Variants in CAMKK2 observed in about 807,000 individuals in gnomAD.
The protein encoded by CAMKK2 is calcium/calmodulin dependent protein kinase kinase 2.
A neutral mutation model predicts 67.2 loss-of-function variants in CAMKK2; 30 were observed. The observed-to-expected ratio is 0.45, with a 90% CI of 0.33 to 0.61. The LOEUF is 0.61. Among genes scored for constraint, CAMKK2 ranks in the 20% least tolerant of loss-of-function variants. The pLI is 0.02. For missense variants in CAMKK2, 643 were observed against 802.0 expected (o/e 0.80, Z 2.39); for synonymous variants, 322 against 326.2 (o/e 0.99, Z 0.14).
At chr12:121,269,637 G>T in intron 3 of CAMKK2, 56 bp from the exon 4 acceptor site, 1 of 1,390,562 alleles carries the variant, frequency 7.2e-7, no homozygotes, top group South Asian at 1.2e-5. Context: ...TCTGCAAAAT[G>T]AGAACCCTAA....
intron 5 of CAMKK2, 133 bp from the exon 6 acceptor site, chr12:121,264,072 G>A: frequency 4.8e-6 from 4 of 825,544 alleles, no homozygotes; most frequent in Middle Eastern, 3.8e-4. Context: ...GCTGCCACCA[G>A]GGGCTTTAAC....
chr12:121,250,089 G>C lies in CAMKK2; in HGVS notation c.1162-55C>G, dbSNP rs912299827. On this transcript the variant is annotated intron_variant, in intron 11 of 16. Transcript: ENST00000404169. ...TCAATGGCGGCCACATCTGCCCTTC[G>C]AGGGCCACCTGTGCTGTGCCACTCC... The C allele has an allele frequency of 2.9e-6, 4 of 1,367,380 alleles. No homozygotes were observed. The Admixed American group carries it at 5.7e-5, about 19-fold the overall frequency. 84.7% of individuals were successfully genotyped at this position (1,367,380 alleles called of 1,614,324 possible).
intron 5 of CAMKK2, among the ~76,000 whole-genome samples, chr12:121,266,012 G>A (rs752721494): frequency 6.6e-6 from 1 of 151,998 alleles, no homozygotes; most frequent in African/African-American, 2.4e-5. Context: ...AATCACTGCA[G>A]CCTTGAACTC....
chr12:121,248,839 C>A, intron 13 of CAMKK2, 105 bp from the exon 14 acceptor site: 1 of 1,390,444 alleles, frequency 7.2e-7, no homozygotes, highest in South Asian at 1.2e-5. Context: ...AGGCAAGGGC[C>A]TGTGGTCAGG....
At chr12:121,244,977 G>A (rs750435892) in intron 15 of CAMKK2, among the ~76,000 whole-genome samples, 163 bp downstream of exon 15, 14 of 152,238 alleles carry the variant, frequency 9.2e-5, no homozygotes, top group Non-Finnish European at 2.1e-4. Context: ...GCTGAGCCCA[G>A]GTTGGGGTGC....
chr12:121,270,880 AG>A lies in CAMKK2; in HGVS notation c.519+17del. The A allele has an allele frequency of 6.2e-7, 1 of 1,606,544 alleles. No individual in the cohort carries two copies. The highest frequency in any genetic ancestry group is 8.5e-7 in the Non-Finnish European group (1 of 1,173,192). ...CCTGGTGAATGCAGAAAGCCAGCCT[AG>A]CCCCAGGGATATTTACCTTTCCAAT... On this transcript the variant is annotated intron_variant, in intron 3 of 16. Coordinates refer to ENST00000404169, the MANE Select transcript of CAMKK2 (RefSeq NM_001270485.2).
intron 1 of CAMKK2, among the ~76,000 whole-genome samples, chr12:121,294,525 T>TAAACA (rs904084907): frequency 1.3e-5 from 2 of 152,134 alleles, no homozygotes; most frequent in African/African-American, 4.8e-5. Flanking sequence ...ATGTAGTGAA[T>TAAACA]AAACAAAACA....
intron 1 of CAMKK2, among the ~76,000 whole-genome samples, chr12:121,294,723 G>A (rs1178239657): frequency 6.6e-6 from 1 of 152,200 alleles, no homozygotes; most frequent in Non-Finnish European, 1.5e-5. Context: ...CAGGATTTCT[G>A]TAAACCTCAG....
At chr12:121,252,209 A>G (rs537814561) in intron 11 of CAMKK2, among the ~76,000 whole-genome samples, 2 of 152,372 alleles carry the variant, frequency 1.3e-5, no homozygotes, top group African/African-American at 2.4e-5. Flanking sequence ...ATACACATGT[A>G]TATTTAGGAA....
intron 13 of CAMKK2, among the ~76,000 whole-genome samples, chr12:121,249,371 A>G (rs11065507): frequency 0.028 from 4,198 of 152,340 alleles, 209 homozygotes; most frequent in African/African-American, 0.096. Context: ...TGCTTTCTGC[A>G]AGAGGGTGGG....
At chr12:121,277,226 T>C (rs912219107) in intron 1 of CAMKK2, among the ~76,000 whole-genome samples, 5 of 151,912 alleles carry the variant, frequency 3.3e-5, no homozygotes, top group African/African-American at 1.2e-4. Context: ...GCACACAGAG[T>C]GTGTGGTAAG....
intron 6 of CAMKK2, chr12:121,260,595 G>GAAA: frequency 1.8e-6 from 1 of 550,088 alleles, no homozygotes; most frequent in African/African-American, 2.0e-5. Flanking sequence ...TGAACACTCA[G>GAAA]GAGGTCGCAA....
Position 121,238,177 on chromosome 12 carries a change from A to T in CAMKK2, c.*2522T>A, listed in dbSNP as rs180774031. The T allele has an allele frequency of 2.0e-5, 3 of 152,400 alleles. No homozygotes were observed. In the East Asian group the frequency reaches 5.8e-4, roughly 29 times the overall value. The allele number at this position is 152,400 out of a possible 1,614,324, so 9.4% of individuals were successfully genotyped here. The stretch of plus-strand genomic sequence containing the variant: ...GTAGGGAGAGGCCTCCGCAGCCCCA[A>T]GTGTCAACAAGGGGCTCAATAAGGC... On this transcript the variant is annotated 3_prime_UTR_variant, in exon 17 of 17. Transcript: ENST00000404169.
chr12:121,266,639 G>A (rs1370136570), intron 5 of CAMKK2, among the ~76,000 whole-genome samples: 2 of 151,950 alleles, frequency 1.3e-5, no homozygotes, highest in Non-Finnish European at 2.9e-5. Context: ...GGGATTACAG[G>A]CACCCACCAT....
intron 1 of CAMKK2, among the ~76,000 whole-genome samples, chr12:121,293,229 A>G (rs35312287): frequency 0.039 from 5,880 of 152,072 alleles, 147 homozygotes; most frequent in Middle Eastern, 0.088. Context: ...GTGAACCGAG[A>G]TCACACCACT....
At chr12:121,243,706 G>T in intron 16 of CAMKK2, 1 of 281,316 alleles carries the variant, frequency 3.6e-6, no homozygotes, top group Non-Finnish European at 6.0e-6. Context: ...GTGTCTTCTT[G>T]GGCTGATGAA....
intron 5 of CAMKK2, among the ~76,000 whole-genome samples, chr12:121,267,103 C>CTTTT (rs1200740861): frequency 2.6e-4 from 9 of 35,106 alleles, no homozygotes; most frequent in East Asian, 8.6e-4. Flanking sequence ...TTTAATTTAT[C>CTTTT]TTTTTTTTTT....
At chr12:121,267,487 T>C (rs551458235) in intron 5 of CAMKK2, among the ~76,000 whole-genome samples, 2 of 151,142 alleles carry the variant, frequency 1.3e-5, no homozygotes, top group South Asian at 2.1e-4. Flanking sequence ...CCATTATCTA[T>C]TGCATATTTT....
intron 6 of CAMKK2, among the ~76,000 whole-genome samples, chr12:121,262,085 T>C (rs1466913663): frequency 2.0e-5 from 3 of 152,212 alleles, no homozygotes; most frequent in Non-Finnish European, 4.4e-5. Flanking sequence ...AACCTGATGA[T>C]ATGTGATGTC....
Sources: gnomAD v4.1 joint callset for allele counts (sites outside exome capture counted in the v4.1 genomes callset) on GRCh38, gnomAD v4.1.1 for gene constraint, MANE v1.5 for transcripts, NCBI Gene and HGNC (gene_info 2026-07-23, HGNC 2026-07-21) for gene names.